The following NWD2 variants were observed in gnomAD, a reference collection of about 807,000 sequenced individuals.
NWD2 encodes NACHT and WD repeat domain containing 2, also known as NACHT and WD repeat domain-containing protein 2.
Under a neutral mutation model 132.7 loss-of-function variants are expected in NWD2, and 37 were observed. The ratio of observed to expected loss-of-function variants is 0.28; its 90% CI spans 0.21 to 0.37. The LOEUF is 0.37. Ranked by LOEUF, NWD2 falls within the 10% of genes least tolerant of loss-of-function variation. The pLI is 1.00. For synonymous variants in NWD2, 705 were observed against 803.0 expected (o/e 0.88, Z 2.06); for missense variants, 1,592 against 2,122.4 (o/e 0.75, Z 4.91).
At chr4:37,359,474 T>C (rs532076999) in intron 3 of NWD2, among the ~76,000 whole-genome samples, 22 of 152,250 alleles carry the variant, frequency 1.4e-4, no homozygotes, top group Admixed American at 1.2e-3. Flanking sequence ...AGCTCCAGTT[T>C]CCTCGCCCAG....
intron 3 of NWD2, among the ~76,000 whole-genome samples, chr4:37,408,322 C>G (rs971865300): frequency 1.3e-5 from 2 of 152,174 alleles, no homozygotes; most frequent in Non-Finnish European, 2.9e-5. Context: ...CTGAGATTGA[C>G]CTGGGGCACT....
chr4:37,379,152 T>G (rs1720404555), intron 3 of NWD2, among the ~76,000 whole-genome samples: 1 of 152,218 alleles, frequency 6.6e-6, no homozygotes. Flanking sequence ...GTTCATAAAT[T>G]TATCCAGTGG....
At chr4:37,382,751 C>T (rs11944700) in intron 3 of NWD2, among the ~76,000 whole-genome samples, 184 of 152,092 alleles carry the variant, frequency 1.2e-3, no homozygotes, top group African/African-American at 4.2e-3. Flanking sequence ...AGTGCAATGG[C>T]GTGATCACGG....
chr4:37,394,806 T>TTTG (rs1406834562), intron 3 of NWD2, among the ~76,000 whole-genome samples: 1 of 100,506 alleles, frequency 9.9e-6, no homozygotes, highest in African/African-American at 3.6e-5. Flanking sequence ...ATGGTTTTTT[T>TTTG]TTTTTTTTTT....
chr4:37,375,380 G>A (rs1046114103), intron 3 of NWD2, among the ~76,000 whole-genome samples: 6 of 152,052 alleles, frequency 3.9e-5, no homozygotes, highest in Non-Finnish European at 8.8e-5. Flanking sequence ...GCCAGACCCC[G>A]TGCTAAGTGC....
At chr4:37,398,756 T>C (rs893195820) in intron 3 of NWD2, among the ~76,000 whole-genome samples, 2 of 152,354 alleles carry the variant, frequency 1.3e-5, no homozygotes, top group South Asian at 2.1e-4. Flanking sequence ...TAATCATATC[T>C]ATGCCAAAAA....
intron 3 of NWD2, among the ~76,000 whole-genome samples, chr4:37,377,265 ACTTC>A: frequency 6.6e-6 from 1 of 152,336 alleles, no homozygotes; most frequent in African/African-American, 2.4e-5. Context: ...TTAAGTGCTC[ACTTC>A]CTTCCTTCTC....
intron 2 of NWD2, among the ~76,000 whole-genome samples, chr4:37,352,064 T>C (rs1237332005): frequency 6.6e-6 from 1 of 152,202 alleles, no homozygotes; most frequent in African/African-American, 2.4e-5. Context: ...TGATTTCCAT[T>C]CTTTTGCATT....
intron 3 of NWD2, among the ~76,000 whole-genome samples, chr4:37,376,845 A>T (rs1431982909): frequency 6.6e-6 from 1 of 152,104 alleles, no homozygotes; most frequent in African/African-American, 2.4e-5. Flanking sequence ...TTATTCTCCC[A>T]CAATATATTG....
intron 3 of NWD2, among the ~76,000 whole-genome samples, chr4:37,399,408 A>C (rs1269116481): frequency 2.0e-5 from 3 of 152,244 alleles, no homozygotes; most frequent in Non-Finnish European, 4.4e-5. Flanking sequence ...AAGTATTTTT[A>C]AAAGAATTTT....
chr4:37,253,682 T>C (rs1229111397), intron 1 of NWD2, among the ~76,000 whole-genome samples: 1 of 152,168 alleles, frequency 6.6e-6, no homozygotes, highest in Non-Finnish European at 1.5e-5. Context: ...ATATTCAGTA[T>C]CAGAATACAT....
At chr4:37,354,612 T>C (rs1001870137) in intron 2 of NWD2, among the ~76,000 whole-genome samples, 1 of 150,248 alleles carries the variant, frequency 6.7e-6, no homozygotes, top group African/African-American at 2.5e-5. Flanking sequence ...ACCAAGGCTA[T>C]TATTGTCCTT....
chr4:37,268,568 C>T (rs1717806155), intron 1 of NWD2, among the ~76,000 whole-genome samples: 1 of 151,776 alleles, frequency 6.6e-6, no homozygotes, highest in Admixed American at 6.6e-5. Context: ...ATCACAGTAC[C>T]TACTTTGAAT....
intron 3 of NWD2, among the ~76,000 whole-genome samples, chr4:37,396,010 C>T (rs1311276860): frequency 6.6e-6 from 1 of 151,866 alleles, no homozygotes; most frequent in Admixed American, 6.6e-5. Context: ...GGCAGCGATG[C>T]AAAAAACAAA....
intron 3 of NWD2, among the ~76,000 whole-genome samples, chr4:37,372,968 C>T (rs1273182481): frequency 1.3e-5 from 2 of 152,124 alleles, no homozygotes; most frequent in Non-Finnish European, 2.9e-5. Flanking sequence ...GAAGATACAA[C>T]GCAAAGAAAA....
intron 3 of NWD2, among the ~76,000 whole-genome samples, chr4:37,363,606 C>T (rs4832729): frequency 2.0e-5 from 3 of 152,076 alleles, no homozygotes; most frequent in African/African-American, 7.3e-5. Flanking sequence ...GGACATAAAG[C>T]TGGCAACAAT....
rs183791729 is a variant in NWD2, at chr4:37,403,915, A to G, written c.358-26657A>G. Reference sequence around the variant, plus strand: ...TGATAGTAGCCCTAATTAAATTTTCACTGACAAACTTTAGTACTTCCTTTT... The same window carrying G: ...TGATAGTAGCCCTAATTAAATTTTCGCTGACAAACTTTAGTACTTCCTTTT... On this transcript the variant is annotated intron_variant, in intron 3 of 6. Coordinates refer to ENST00000309447, the MANE Select transcript of NWD2 (RefSeq NM_001144990.2). 3.9e-4 allele frequency among the ~76,000 whole-genome samples: 60 copies of G among 152,306 alleles called. 1 individual carries two copies. Among genetic ancestry groups the G allele is most frequent in the Admixed American group, 3.1e-3 (48 of 15,296 alleles).
chr4:37,411,849 T>C (rs1002175808), intron 3 of NWD2, among the ~76,000 whole-genome samples: 5 of 152,214 alleles, frequency 3.3e-5, no homozygotes, highest in African/African-American at 1.2e-4. Flanking sequence ...TCAATAAACA[T>C]AATCTATCAC....
chr4:37,379,305 A>C (rs73132369), intron 3 of NWD2, among the ~76,000 whole-genome samples: 3,480 of 152,226 alleles, frequency 0.023, 137 homozygotes, highest in African/African-American at 0.08. Context: ...TTCTGTTGGA[A>C]GGACTTAAGC....
Sources: allele counts gnomAD v4.1 joint callset (sites outside exome capture counted in the v4.1 genomes callset), GRCh38; gene constraint gnomAD v4.1.1; transcripts MANE v1.5; gene names NCBI Gene and HGNC (gene_info 2026-07-23, HGNC 2026-07-21).